LIMCH1: variants seen among roughly 807,000 people sequenced by gnomAD.
The protein encoded by LIMCH1 is LIM and calponin homology domains 1.
LIMCH1 carries 113 observed loss-of-function variants against 176.5 expected under a neutral mutation model. The ratio of observed to expected loss-of-function variants is 0.64; its 90% CI spans 0.55 to 0.75. The LOEUF (loss-of-function observed/expected upper bound fraction) is 0.75, where lower values mean the gene tolerates loss of function less well. Ranked by LOEUF, LIMCH1 falls within the 30% of genes least tolerant of loss-of-function variation. The probability of loss-of-function intolerance (pLI) is 0.00; values close to 1 mark genes in which losing one functional copy is unlikely to be tolerated. For synonymous variants in LIMCH1, 619 were observed against 645.9 expected (o/e 0.96, Z 0.63); for missense variants, 1,674 against 1,814.9 (o/e 0.92, Z 1.41).
At chr4:41,619,107 C>G in intron 5 of LIMCH1, 81 bp from the exon 6 acceptor site, 1 of 1,492,376 alleles carries the variant, frequency 6.7e-7, no homozygotes, top group African/African-American at 1.4e-5. Flanking sequence ...CAGATTGAAC[C>G]ACATCCCTAA....
At chr4:41,643,594 C>T (rs1021916244) in intron 14 of LIMCH1, among the ~76,000 whole-genome samples, 9 of 152,310 alleles carry the variant, frequency 5.9e-5, no homozygotes, top group Admixed American at 5.9e-4. Context: ...TCTTGCACAA[C>T]ATTTAATAAG....
At chr4:41,650,038 C>A (rs1488451382) in intron 17 of LIMCH1, among the ~76,000 whole-genome samples, 1 of 152,178 alleles carries the variant, frequency 6.6e-6, no homozygotes, top group Non-Finnish European at 1.5e-5. Flanking sequence ...GAATAGCAAT[C>A]AGAACTGAAG....
intron 20 of LIMCH1, among the ~76,000 whole-genome samples, chr4:41,665,407 T>C (rs925510592): frequency 8.5e-5 from 13 of 152,224 alleles, no homozygotes; most frequent in Non-Finnish European, 1.5e-4. Flanking sequence ...AGCACCAACG[T>C]TCATTTGGAC....
intron 2 of LIMCH1, among the ~76,000 whole-genome samples, chr4:41,505,413 A>T (rs2074020972): frequency 1.3e-5 from 2 of 152,216 alleles, no homozygotes; most frequent in African/African-American, 4.8e-5. Context: ...AGCTTCTCTC[A>T]TCTAGCTTGT....
intron 1 of LIMCH1, among the ~76,000 whole-genome samples, chr4:41,597,969 A>G (rs1232041370): frequency 2.0e-5 from 3 of 152,204 alleles, no homozygotes; most frequent in African/African-American, 2.4e-5. Flanking sequence ...AATCACCACC[A>G]TCGTTTCAGA....
intron 1 of LIMCH1, among the ~76,000 whole-genome samples, chr4:41,408,047 C>T (rs1384135232): frequency 1.3e-5 from 2 of 152,192 alleles, no homozygotes; most frequent in African/African-American, 2.4e-5. Context: ...TTTCATACCT[C>T]GCCTCATTCC....
chr4:41,690,816 C>T (rs1247106174), intron 30 of LIMCH1, among the ~76,000 whole-genome samples: 1 of 152,028 alleles, frequency 6.6e-6, no homozygotes, highest in Non-Finnish European at 1.5e-5. Context: ...AGAATGAGAC[C>T]AGAGTTTCCT....
At chr4:41,683,059 C>T (rs1315391112) in intron 26 of LIMCH1, among the ~76,000 whole-genome samples, 1 of 151,978 alleles carries the variant, frequency 6.6e-6, no homozygotes, top group Non-Finnish European at 1.5e-5. Context: ...ATTCAAAGCC[C>T]CAAACCTAAA....
chr4:41,554,178 AATAG>A (rs1335607679), intron 1 of LIMCH1, among the ~76,000 whole-genome samples: 1 of 152,226 alleles, frequency 6.6e-6, no homozygotes, highest in Non-Finnish European at 1.5e-5. Context: ...ACTTGTATTT[AATAG>A]ATCTTCCACT....
At chr4:41,387,994 C>A (rs573157883) in intron 1 of LIMCH1, among the ~76,000 whole-genome samples, 6 of 152,184 alleles carry the variant, frequency 3.9e-5, no homozygotes, top group African/African-American at 1.4e-4. Flanking sequence ...CCTGTAATCC[C>A]AGCTACTTGG....
At chr4:41,538,804 G>A (rs2078253016) in intron 1 of LIMCH1, among the ~76,000 whole-genome samples, 1 of 152,120 alleles carries the variant, frequency 6.6e-6, no homozygotes, top group Admixed American at 6.5e-5. Flanking sequence ...TGACTCCACA[G>A]CCCCCTTTGC....
intron 3 of LIMCH1, among the ~76,000 whole-genome samples, chr4:41,528,456 T>A (rs1013152554): frequency 6.6e-6 from 1 of 152,200 alleles, no homozygotes; most frequent in African/African-American, 2.4e-5. Context: ...GATCATCTTG[T>A]TAGTAGAGAT....
chr4:41,442,170 T>G (rs1037081990), intron 1 of LIMCH1, among the ~76,000 whole-genome samples: 1 of 152,108 alleles, frequency 6.6e-6, no homozygotes, highest in African/African-American at 2.4e-5. Context: ...TGTGGTGGTA[T>G]GCACCTGTAG....
At chr4:41,621,845 A>T (rs1342364447) in intron 7 of LIMCH1, among the ~76,000 whole-genome samples, 1 of 152,192 alleles carries the variant, frequency 6.6e-6, no homozygotes, top group Non-Finnish European at 1.5e-5. Flanking sequence ...CTCTGACCAC[A>T]GCACCACATC....
intron 1 of LIMCH1, among the ~76,000 whole-genome samples, chr4:41,584,010 GA>G (rs1334293244): frequency 6.6e-6 from 1 of 152,006 alleles, no homozygotes; most frequent in East Asian, 1.9e-4. Flanking sequence ...ATATGATAGG[GA>G]TAATGGTTTT....
chr4:41,678,303 C>G (rs1712707544), intron 23 of LIMCH1, among the ~76,000 whole-genome samples: 1 of 151,570 alleles, frequency 6.6e-6, no homozygotes, highest in Non-Finnish European at 1.5e-5. Context: ...ATTTAGATAG[C>G]AGTAGTAGGT....
intron 30 of LIMCH1, 44 bp downstream of exon 30, chr4:41,689,679 T>C (rs1333897005): frequency 8.3e-7 from 1 of 1,210,300 alleles, no homozygotes; most frequent in Admixed American, 1.7e-5. Flanking sequence ...CTTCATGATG[T>C]CTTTTGGCAT....
At chr4:41,674,822 G>A (rs1280436676) in intron 22 of LIMCH1, among the ~76,000 whole-genome samples, 1 of 152,156 alleles carries the variant, frequency 6.6e-6, no homozygotes, top group African/African-American at 2.4e-5. Context: ...GGCTGTTTGG[G>A]TATTTGAAGT....
chr4:41,568,941 T>C (rs1018750849), intron 1 of LIMCH1, among the ~76,000 whole-genome samples: 4 of 152,170 alleles, frequency 2.6e-5, no homozygotes, highest in Non-Finnish European at 4.4e-5. Context: ...TCTCTTGATC[T>C]TCTACATATG....
Sources: allele counts gnomAD v4.1 joint callset (sites outside exome capture counted in the v4.1 genomes callset), GRCh38; gene constraint gnomAD v4.1.1; transcripts MANE v1.5; gene names NCBI Gene and HGNC (gene_info 2026-07-23, HGNC 2026-07-21).